ATRX: variants seen among roughly 807,000 people sequenced by gnomAD.
ATRX encodes the protein chromatin remodeler ATRX.
A neutral mutation model predicts 172.6 loss-of-function variants in ATRX; 12 were observed. That is an observed-to-expected ratio of 0.07 (90% confidence interval 0.04 to 0.11). The LOEUF is 0.11. ATRX is among the 10% of genes least tolerant of loss of function. The pLI is 1.00. For missense variants in ATRX, 1,368 were observed against 1,767.4 expected, an observed-to-expected ratio of 0.77 and a Z score of 4.05; for synonymous variants, 674 against 594.7, an observed-to-expected ratio of 1.13 and a Z score of -1.94.
At chrX:77,705,994 T>A (rs1448024689) in intron 2 of ATRX, among the ~76,000 whole-genome samples, 5 of 107,073 alleles carry the variant, frequency 4.7e-5, no homozygotes, top group Non-Finnish European at 9.7e-5. Context: ...TTTTTTTTAA[T>A]TTTTTTTTTG....
intron 2 of ATRX, among the ~76,000 whole-genome samples, chrX:77,709,401 C>T (rs1361490848): frequency 4.5e-5 from 5 of 110,744 alleles, no homozygotes; most frequent in African/African-American, 1.6e-4. Flanking sequence ...TAAAACAGTA[C>T]AACCACTCTG....
At chrX:77,610,284 A>G (rs2148211206) in intron 22 of ATRX, among the ~76,000 whole-genome samples, 1 of 112,304 alleles carries the variant, frequency 8.9e-6, no homozygotes, top group South Asian at 3.7e-4. Context: ...AAGAAGCAAA[A>G]GTGACATCCT....
At chrX:77,693,571 T>C (rs2072025003) in intron 6 of ATRX, among the ~76,000 whole-genome samples, 1 of 111,921 alleles carries the variant, frequency 8.9e-6, no homozygotes, top group Non-Finnish European at 1.9e-5. Context: ...ATATGTATTA[T>C]AGAACATGTG....
intron 3 of ATRX, 24 bp downstream of exon 3, chrX:77,698,550 A>G (rs187789337): frequency 9.3e-6 from 11 of 1,184,113 alleles, no homozygotes; most frequent in African/African-American, 1.8e-5. Flanking sequence ...TAACTAACAA[A>G]TATCTCTAAA....
intron 22 of ATRX, among the ~76,000 whole-genome samples, chrX:77,608,993 C>G (rs2067039821): frequency 8.9e-6 from 1 of 112,100 alleles, no homozygotes; most frequent in Non-Finnish European, 1.9e-5. Context: ...AGAAAAGGTA[C>G]TCAACATCAT....
At chrX:77,725,918 A>G (rs1309127522) in intron 1 of ATRX, among the ~76,000 whole-genome samples, 7 of 112,345 alleles carry the variant, frequency 6.2e-5, no homozygotes, top group Non-Finnish European at 9.4e-5. Context: ...CAAAACCACA[A>G]TGAGATACCA....
In ATRX at chrX:77,710,000, A is replaced by G. The variant is rs1383445431; in HGVS notation, c.133+7131T>C. 2.7e-5 allele frequency among the ~76,000 whole-genome samples: 3 copies of G among 111,499 alleles called. No homozygotes were observed. In the Admixed American group the frequency reaches 2.9e-4, roughly 11 times the overall value. ...GATTTGCTTTAACAAATAAATGGTT[A>G]AACAAACTGTGGTACAGGCCAGGCG... On this transcript the variant is annotated intron_variant, in intron 2 of 34. Transcript: ENST00000373344.
chrX:77,565,730 C>T (rs1281551544), intron 28 of ATRX, among the ~76,000 whole-genome samples: 6 of 110,633 alleles, frequency 5.4e-5, no homozygotes, highest in African/African-American at 2.0e-4. Context: ...GTGGTGCATG[C>T]CTGCAATCCC....
chrX:77,704,092 C>T (rs2072682974), intron 2 of ATRX, among the ~76,000 whole-genome samples: 1 of 110,875 alleles, frequency 9.0e-6, no homozygotes, highest in Non-Finnish European at 1.9e-5. Context: ...GGCAGGTCAT[C>T]CCATCATCTC....
chrX:77,524,203 A>G (rs1270914658), intron 30 of ATRX, among the ~76,000 whole-genome samples: 1 of 112,046 alleles, frequency 8.9e-6, no homozygotes, highest in Non-Finnish European at 1.9e-5. Context: ...GTTACTTTTA[A>G]TAAATTTAAA....
At chrX:77,701,663 C>G (rs1433103907) in intron 2 of ATRX, among the ~76,000 whole-genome samples, 2 of 111,641 alleles carry the variant, frequency 1.8e-5, no homozygotes, top group Non-Finnish European at 3.8e-5. Context: ...GCAAGGAAAT[C>G]TGCTCTCACC....
chrX:77,640,056 A>G (rs2068577086), intron 15 of ATRX, among the ~76,000 whole-genome samples: 1 of 112,036 alleles, frequency 8.9e-6, no homozygotes, highest in Non-Finnish European at 1.9e-5. Flanking sequence ...GGAGGCTATA[A>G]ATCTAAGCAA....
chrX:77,680,596 T>C (rs1238952464), intron 9 of ATRX, among the ~76,000 whole-genome samples: 1 of 111,160 alleles, frequency 9.0e-6, no homozygotes, highest in Non-Finnish European at 1.9e-5. Flanking sequence ...TAAAATCCAA[T>C]TGGGATAAAT....
chrX:77,704,568 C>T (rs782202558), intron 2 of ATRX, among the ~76,000 whole-genome samples: 1 of 112,136 alleles, frequency 8.9e-6, no homozygotes, highest in African/African-American at 3.2e-5. Context: ...ATTCATGGTG[C>T]CCAGGCTGTA....
At chrX:77,775,577 G>A (rs1310269220) in intron 1 of ATRX, among the ~76,000 whole-genome samples, 1 of 110,656 alleles carries the variant, frequency 9.0e-6, no homozygotes, top group Non-Finnish European at 1.9e-5. Flanking sequence ...CCAGATATTC[G>A]GGAGGCTGAG....
At chrX:77,763,550 A>G (rs1303292607) in intron 1 of ATRX, among the ~76,000 whole-genome samples, 1 of 107,400 alleles carries the variant, frequency 9.3e-6, no homozygotes, top group Admixed American at 1.0e-4. Context: ...GGCTCACTGC[A>G]ACCTCCGCCT....
chrX:77,690,134 G>A (rs2071805714), intron 6 of ATRX, among the ~76,000 whole-genome samples: 1 of 112,083 alleles, frequency 8.9e-6, no homozygotes, highest in African/African-American at 3.2e-5. Flanking sequence ...GGAATGCAAT[G>A]GTGCAAATTC....
rs1462720596 is a variant in ATRX, at chrX:77,638,219, T to G, written c.4558-2163A>C. 7.1e-5 allele frequency among the ~76,000 whole-genome samples: 8 copies of G among 112,137 alleles called. No individual in the cohort carries two copies. In the Admixed American group the frequency reaches 7.5e-4, roughly 11 times the overall value. ...TCACTCATGCCTGTAATCCCAGCAC[T>G]TTGGGAGGCCAAGGTGGGTGGATCA... On this transcript the variant is annotated intron_variant, in intron 15 of 34. Coordinates refer to ENST00000373344, the MANE Select transcript of ATRX (RefSeq NM_000489.6).
chrX:77,650,775 A>G (rs2069175866), intron 15 of ATRX, among the ~76,000 whole-genome samples: 1 of 110,405 alleles, frequency 9.1e-6, no homozygotes. Context: ...TTTAGTAGAG[A>G]CGGGGTTTCA....
Sources: allele counts gnomAD v4.1 joint callset (sites outside exome capture counted in the v4.1 genomes callset), GRCh38; gene constraint gnomAD v4.1.1; transcripts MANE v1.5; gene names NCBI Gene and HGNC (gene_info 2026-07-23, HGNC 2026-07-21).